Variants in CNTN5 observed in about 807,000 individuals in gnomAD.
CNTN5 encodes contactin-5.
Under a neutral mutation model 129.1 loss-of-function variants are expected in CNTN5, and 77 were observed. The observed-to-expected ratio is 0.60, with a 90% CI of 0.50 to 0.72. CNTN5 has a LOEUF of 0.72. Ranked by LOEUF, CNTN5 falls within the 30% of genes least tolerant of loss-of-function variation. The probability of loss-of-function intolerance (pLI) is 0.00; values close to 1 mark genes in which losing one functional copy is unlikely to be tolerated. For synonymous variants in CNTN5, 509 were observed against 465.6 expected, an observed-to-expected ratio of 1.09 and a Z score of -1.20; for missense variants, 1,478 against 1,328.8, an observed-to-expected ratio of 1.11 and a Z score of -1.75.
At chr11:100,255,999 T>C in intron 17 of CNTN5, 81 bp downstream of exon 17, 1 of 1,225,780 alleles carries the variant, frequency 8.2e-7, no homozygotes, top group Non-Finnish European at 1.1e-6. Context: ...GGTCTTACTA[T>C]GATTTTTTTG....
At chr11:99,354,349 T>C (rs894598645) in intron 2 of CNTN5, among the ~76,000 whole-genome samples, 3 of 152,140 alleles carry the variant, frequency 2.0e-5, no homozygotes, top group Non-Finnish European at 4.4e-5. Context: ...ATGTTTTCAG[T>C]GTAGTTGGTC....
At chr11:99,252,208 G>A (rs975534834) in intron 1 of CNTN5, among the ~76,000 whole-genome samples, 3 of 151,370 alleles carry the variant, frequency 2.0e-5, no homozygotes, top group South Asian at 2.1e-4. Context: ...TCATCTTTTC[G>A]TATACACCCT....
At position 99,315,748 on chromosome 11, in the gene CNTN5, G is replaced by T. The variant is rs185976310; in HGVS notation, c.-209-9598G>T. 1.8e-4 allele frequency among the ~76,000 whole-genome samples: 27 copies of T among 148,962 alleles called. 4 individuals are homozygous for T. In the Middle Eastern group the frequency reaches 0.014, roughly 77 times the overall value. ...GTTTTAGAATGTAAATCGCGGAGTG[G>T]GCCATGGATATTGAAAATTAGAAGG... On this transcript the variant is annotated intron_variant, in intron 1 of 24. Transcript: ENST00000524871.
intron 13 of CNTN5, among the ~76,000 whole-genome samples, chr11:100,127,701 C>G (rs889409550): frequency 7.1e-6 from 1 of 141,788 alleles, no homozygotes; most frequent in Non-Finnish European, 1.5e-5. Context: ...TCTTGTCACC[C>G]AGGCTGGAGT....
At chr11:99,366,696 G>T (rs984981061) in intron 2 of CNTN5, among the ~76,000 whole-genome samples, 1 of 152,118 alleles carries the variant, frequency 6.6e-6, no homozygotes, top group Non-Finnish European at 1.5e-5. Context: ...ACAGGGAGTT[G>T]GCATCTCTCT....
intron 3 of CNTN5, among the ~76,000 whole-genome samples, chr11:99,599,789 A>G (rs146356811): frequency 0.04 from 6,066 of 152,236 alleles, 165 homozygotes; most frequent in South Asian, 0.088. Flanking sequence ...TTGATTTATT[A>G]GGCACAGACA....
rs1344372839 is a variant in CNTN5, at chr11:99,266,187, A to G, written c.-209-59159A>G. 2.0e-5 allele frequency among the ~76,000 whole-genome samples: 3 copies of G among 152,058 alleles called. No individual in the cohort carries two copies. In the East Asian group the frequency reaches 5.8e-4, roughly 29 times the overall value. ...CAACAATTGACGATATTTGAACAAA[A>G]TAAATAAATAAATAAGTACATAATA... On this transcript the variant is annotated intron_variant, in intron 1 of 24. Transcript: ENST00000524871.
chr11:100,142,034 G>A (rs1346133792), intron 13 of CNTN5, among the ~76,000 whole-genome samples: 1 of 152,114 alleles, frequency 6.6e-6, no homozygotes, highest in African/African-American at 2.4e-5. Flanking sequence ...CTTTCCTGGA[G>A]CTGGGACACC....
At chr11:99,249,796 T>G in intron 1 of CNTN5, among the ~76,000 whole-genome samples, 1 of 152,084 alleles carries the variant, frequency 6.6e-6, no homozygotes, top group Non-Finnish European at 1.5e-5. Flanking sequence ...TTCAACTTTT[T>G]AAATAAATAC....
chr11:100,182,396 G>C (rs747025371), intron 13 of CNTN5, among the ~76,000 whole-genome samples: 2 of 151,974 alleles, frequency 1.3e-5, no homozygotes, highest in Non-Finnish European at 2.9e-5. Context: ...AGCAGAGAGA[G>C]AGAGAAAACA....
At chr11:99,854,303 C>G (rs1947965733) in intron 6 of CNTN5, among the ~76,000 whole-genome samples, 1 of 152,154 alleles carries the variant, frequency 6.6e-6, no homozygotes, top group Non-Finnish European at 1.5e-5. Flanking sequence ...CTACATAAAT[C>G]TTTGATGGCT....
rs117524849 is a variant in CNTN5, at chr11:99,602,643, T to C, written c.55+46374T>C. On this transcript the variant is annotated intron_variant, in intron 3 of 24. Coordinates refer to ENST00000524871, the MANE Select transcript of CNTN5 (RefSeq NM_014361.4). ...TTATGGGAAGGTCTGGGGAGGAGTT[T>C]GTGCAATGTAAAAAAAAAAAAATGT... Among the ~76,000 whole-genome samples the C allele has an allele frequency of 4.4e-3, 669 of 151,744 alleles. 26 individuals are homozygous for C. The East Asian group carries it at 0.1, about 23-fold the overall frequency.
At chr11:99,151,770 G>A (rs61891480) in intron 1 of CNTN5, among the ~76,000 whole-genome samples, 9,532 of 152,026 alleles carry the variant, frequency 0.063, 777 homozygotes, top group East Asian at 0.34. Context: ...GGATGAAGCC[G>A]GAAACCATCA....
At chr11:99,360,451 T>C (rs987298247) in intron 2 of CNTN5, among the ~76,000 whole-genome samples, 8 of 152,178 alleles carry the variant, frequency 5.3e-5, no homozygotes, top group Non-Finnish European at 1.0e-4. Flanking sequence ...CTTTGAAATA[T>C]AGGTGGAGGC....
chr11:99,950,552 C>G (rs527311051), intron 7 of CNTN5, among the ~76,000 whole-genome samples: 103 of 152,286 alleles, frequency 6.8e-4, no homozygotes, highest in African/African-American at 2.5e-3. Context: ...CAGCTTTATT[C>G]TATTGTAACT....
At chr11:99,353,434 G>A (rs1205230881) in intron 2 of CNTN5, among the ~76,000 whole-genome samples, 1 of 152,178 alleles carries the variant, frequency 6.6e-6, no homozygotes, top group Non-Finnish European at 1.5e-5. Context: ...ATTTGGGAAA[G>A]TAAGAGCGGG....
At chr11:99,376,690 G>A (rs1940203654) in intron 2 of CNTN5, among the ~76,000 whole-genome samples, 1 of 152,068 alleles carries the variant, frequency 6.6e-6, no homozygotes, top group African/African-American at 2.4e-5. Flanking sequence ...TACCCCAGTC[G>A]CTTACCCCTA....
intron 3 of CNTN5, among the ~76,000 whole-genome samples, chr11:99,721,486 G>A (rs1943171301): frequency 6.6e-6 from 1 of 152,086 alleles, no homozygotes. Flanking sequence ...GTCAACTCTA[G>A]TTGGATTAAA....
At chr11:99,347,049 C>A (rs561272839) in intron 2 of CNTN5, among the ~76,000 whole-genome samples, 82 of 152,200 alleles carry the variant, frequency 5.4e-4, no homozygotes, top group Non-Finnish European at 9.8e-4. Context: ...TATGCAAAAT[C>A]TCATTTATTC....
Sources: allele counts gnomAD v4.1 joint callset (sites outside exome capture counted in the v4.1 genomes callset), GRCh38; gene constraint gnomAD v4.1.1; transcripts MANE v1.5; gene names NCBI Gene and HGNC (gene_info 2026-07-23, HGNC 2026-07-21).